The following CDH3 variants were observed in gnomAD, a reference collection of about 807,000 sequenced individuals.
CDH3 encodes the protein cadherin-3.
A neutral mutation model predicts 82.0 loss-of-function variants in CDH3; 54 were observed. The ratio of observed to expected loss-of-function variants is 0.66; its 90% CI spans 0.53 to 0.83. The LOEUF is 0.83. CDH3 is among the 40% of genes least tolerant of loss of function. The pLI is 0.00. For synonymous variants in CDH3, 446 were observed against 437.9 expected, an observed-to-expected ratio of 1.02 and a Z score of -0.23; for missense variants, 1,054 against 1,084.6, an observed-to-expected ratio of 0.97 and a Z score of 0.40.
rs749006688 is a variant in CDH3 at position 68,698,328 on chromosome 16, C to T, written c.2418C>T (p.Tyr806=). 20 of 1,614,080 alleles carry T rather than the reference C, an allele frequency of 1.2e-5. No individual in the cohort carries two copies. The highest frequency in any genetic ancestry group is 5.0e-5 in the Admixed American group (3 of 60,006). The change falls in exon 16 of 16, where the codon TAC becomes TAT. Residue 806 remains tyrosine, a synonymous_variant. Coordinates refer to ENST00000264012, the MANE Select transcript of CDH3 (RefSeq NM_001793.6). ...TSSASDQDQD[Y]DYLNEWGSRF... Reference sequence around the variant, plus strand: ...CCGCCTCCGACCAAGACCAAGATTACGATTATCTGAACGAGTGGGGCAGCC... The same window carrying T: ...CCGCCTCCGACCAAGACCAAGATTATGATTATCTGAACGAGTGGGGCAGCC...
chr16:68,691,723 A>G lies in CDH3; in HGVS notation c.1799A>G (p.Asp600Gly). 5 of 1,612,968 alleles carry G rather than the reference A, an allele frequency of 3.1e-6. No homozygotes were observed. Among genetic ancestry groups the G allele is most frequent in the Non-Finnish European group, 4.2e-6 (5 of 1,178,952 alleles). ...YWTAEVNEEGDTVVLSLKKFL... is the reference protein window; with the variant it reads ...YWTAEVNEEGGTVVLSLKKFL... ...ATCAATGATCTGTTCACTCCAGGTGACACAGTGGTCTTGTCCCTGAAGAAG... is the reference window on the plus strand; with the variant it reads ...ATCAATGATCTGTTCACTCCAGGTGGCACAGTGGTCTTGTCCCTGAAGAAG... The change falls in exon 13 of 16, where the codon GAC (aspartate) becomes GGC (glycine). Residue 600 changes from aspartate (D) to glycine (G), a missense_variant. Transcript: ENST00000264012.
At chr16:68,703,855 G>A (rs1341701957), downstream of CDH3, among the ~76,000 whole-genome samples, 3 of 152,208 alleles carry the variant, frequency 2.0e-5, no homozygotes, top group Non-Finnish European at 2.9e-5. Flanking sequence ...GCTGAGGCAG[G>A]AGAATCTCTT....
At chr16:68,708,483 T>C (rs549802739) in intron 1 of CDH3, among the ~76,000 whole-genome samples, 2 of 152,258 alleles carry the variant, frequency 1.3e-5, no homozygotes, top group African/African-American at 4.8e-5. Flanking sequence ...CCTAGATTTC[T>C]CTCGGCTCCC....
chr16:68,699,160 CAA>C lies in CDH3; in HGVS notation c.*764_*765del, dbSNP rs1247242391. 1.3e-5 allele frequency: 2 copies of C among 152,124 alleles called. No homozygotes were observed. The highest frequency in any genetic ancestry group is 2.4e-5 in the African/African-American group (1 of 41,424). The allele number at this position is 152,124 out of a possible 1,614,324, so 9.4% of individuals were successfully genotyped here. ...GGTTTTTAGAATTTTCAGAGTTCTG[CAA>C]AAAGAGTGGGCTCTGTTTACCCTGC... On this transcript the variant is annotated 3_prime_UTR_variant, in exon 16 of 16. Coordinates refer to ENST00000264012, the MANE Select transcript of CDH3 (RefSeq NM_001793.6).
intron 2 of CDH3, among the ~76,000 whole-genome samples, chr16:68,658,807 T>G (rs1047432706): frequency 6.6e-6 from 1 of 152,170 alleles, no homozygotes; most frequent in African/African-American, 2.4e-5. Context: ...TAGCCCCACT[T>G]CAACTGGTTT....
At chr16:68,681,803 A>G (rs571856260) in intron 8 of CDH3, among the ~76,000 whole-genome samples, 6 of 152,166 alleles carry the variant, frequency 3.9e-5, no homozygotes, top group Non-Finnish European at 8.8e-5. Flanking sequence ...ACACCACTGC[A>G]CTCCAGCCTG....
chr16:68,714,481 A>T (rs1032187557), intron 1 of CDH3, among the ~76,000 whole-genome samples: 17 of 152,070 alleles, frequency 1.1e-4, no homozygotes, highest in African/African-American at 4.1e-4. Flanking sequence ...TTCCTGCCAA[A>T]ATGTCATTTT....
In CDH3 at chr16:68,687,711, C is replaced by T; in HGVS notation, c.1770C>T (p.Tyr590=). 6.2e-7 allele frequency: 1 copy of T among 1,613,586 alleles called. No individual in the cohort carries two copies. Among genetic ancestry groups the T allele is most frequent in the Non-Finnish European group, 8.5e-7 (1 of 1,179,602 alleles). The change falls in exon 12 of 16, where the codon TAC becomes TAT. Residue 590 remains tyrosine, a synonymous_variant. Coordinates refer to ENST00000264012, the MANE Select transcript of CDH3 (RefSeq NM_001793.6). ...AGCTCACAGATGACTCAGACATCTA[C>T]TGGACGGCAGAGGTCAACGAGGAAG... The part of the protein sequence containing the change: ...QAQLTDDSDI[Y]WTAEVNEEGD...
chr16:68,725,546 G>A (rs953823079), intron 2 of CDH3, among the ~76,000 whole-genome samples: 17 of 151,894 alleles, frequency 1.1e-4, no homozygotes, highest in African/African-American at 4.1e-4. Context: ...TGTTAGCCAG[G>A]ATGGTCTCGA....
intron 1 of CDH3, among the ~76,000 whole-genome samples, chr16:68,719,003 G>A (rs934421699): frequency 2.6e-5 from 4 of 152,192 alleles, no homozygotes; most frequent in African/African-American, 9.6e-5. Context: ...AGCACTTTGG[G>A]AGGCCAAGGC....
chr16:68,720,782 G>A (rs906850606), intron 1 of CDH3, among the ~76,000 whole-genome samples: 4 of 151,770 alleles, frequency 2.6e-5, no homozygotes, highest in East Asian at 1.9e-4. Flanking sequence ...CCACCACGCC[G>A]ACTAATTTTT....
At chr16:68,728,066 C>G (rs1962237370), downstream of CDH3, among the ~76,000 whole-genome samples, 1 of 152,174 alleles carries the variant, frequency 6.6e-6, no homozygotes, top group South Asian at 2.1e-4. Flanking sequence ...TTATTGGCAT[C>G]CAGCACAAAG....
At chr16:68,727,849 C>G (rs1408476219), downstream of CDH3, among the ~76,000 whole-genome samples, 1 of 152,006 alleles carries the variant, frequency 6.6e-6, no homozygotes, top group African/African-American at 2.4e-5. Context: ...GCAGAGGTTG[C>G]AATGAGCCGA....
intron 2 of CDH3, among the ~76,000 whole-genome samples, chr16:68,656,987 C>T (rs1203415794): frequency 6.6e-6 from 1 of 152,098 alleles, no homozygotes; most frequent in Non-Finnish European, 1.5e-5. Flanking sequence ...GCAAAGACCT[C>T]CCACCTCTTG....
chr16:68,703,089 G>A (rs1344293789), downstream of CDH3, among the ~76,000 whole-genome samples: 2 of 152,174 alleles, frequency 1.3e-5, no homozygotes, highest in Non-Finnish European at 2.9e-5. Context: ...CAGCGGCCAG[G>A]CCTCACTTCA....
At chr16:68,702,587 G>T (rs1411254091), downstream of CDH3, among the ~76,000 whole-genome samples, 1 of 152,254 alleles carries the variant, frequency 6.6e-6, no homozygotes, top group East Asian at 1.9e-4. Context: ...TGGAGCTTTG[G>T]CCAGGTGTGG....
chr16:68,702,694 G>A (rs529926006), downstream of CDH3, among the ~76,000 whole-genome samples: 4 of 152,012 alleles, frequency 2.6e-5, no homozygotes, highest in Non-Finnish European at 4.4e-5. Flanking sequence ...GTGAAACCCC[G>A]TCTCTACTAA....
chr16:68,701,520 T>C (rs1344859813), downstream of CDH3, among the ~76,000 whole-genome samples: 1 of 151,588 alleles, frequency 6.6e-6, no homozygotes, highest in Non-Finnish European at 1.5e-5. Flanking sequence ...TTCCAGGATC[T>C]GTTTCTCCTG....
At chr16:68,646,676 G>A (rs1960082421) in intron 2 of CDH3, among the ~76,000 whole-genome samples, 2 of 148,738 alleles carry the variant, frequency 1.3e-5, no homozygotes, top group South Asian at 4.3e-4. Context: ...TTGAAACCTA[G>A]TTCTTAAACG....
Sources: allele counts gnomAD v4.1 joint callset (sites outside exome capture counted in the v4.1 genomes callset), GRCh38; gene constraint gnomAD v4.1.1; transcripts MANE v1.5; gene names NCBI Gene and HGNC (gene_info 2026-07-23, HGNC 2026-07-21).